The following NECTIN3 variants were observed in gnomAD, a reference collection of about 807,000 sequenced individuals.
NECTIN3 encodes the protein nectin-3.
In NECTIN3, 8 loss-of-function variants were observed where a neutral mutation model predicts 49.4. The ratio of observed to expected loss-of-function variants is 0.16; its 90% CI spans 0.10 to 0.29. The LOEUF (loss-of-function observed/expected upper bound fraction) is 0.29, where lower values mean the gene tolerates loss of function less well. Ranked by LOEUF, NECTIN3 falls within the 10% of genes least tolerant of loss-of-function variation. The pLI is 1.00. For synonymous variants in NECTIN3, 277 were observed against 241.1 expected, an observed-to-expected ratio of 1.15 and a Z score of -1.38; for missense variants, 581 against 654.6, an observed-to-expected ratio of 0.89 and a Z score of 1.23.
chr3:111,126,646 C>A (rs2034173370), intron 5 of NECTIN3, among the ~76,000 whole-genome samples: 1 of 152,038 alleles, frequency 6.6e-6, no homozygotes, highest in Non-Finnish European at 1.5e-5. Context: ...TTTCTAGATT[C>A]TTTTATCTTT....
chr3:111,117,842 T>C (rs1205109013), intron 2 of NECTIN3, among the ~76,000 whole-genome samples: 1 of 152,022 alleles, frequency 6.6e-6, no homozygotes, highest in Non-Finnish European at 1.5e-5. Context: ...CTAAGAGATA[T>C]TGGGGGCAGA....
At chr3:111,192,855 T>G (rs1381261294) in intron 1 of NECTIN3, among the ~76,000 whole-genome samples, 1 of 152,216 alleles carries the variant, frequency 6.6e-6, no homozygotes, top group East Asian at 1.9e-4. Flanking sequence ...TATGTTCATT[T>G]CAAGCTTGAG....
intron 1 of NECTIN3, among the ~76,000 whole-genome samples, chr3:111,085,691 T>C (rs2031882481): frequency 6.6e-6 from 1 of 151,968 alleles, no homozygotes; most frequent in South Asian, 2.1e-4. Flanking sequence ...TGTTGTTGCA[T>C]GTAGCAGTAT....
chr3:111,178,818 T>C (rs1021246846), intron 7 of NECTIN3, among the ~76,000 whole-genome samples: 11 of 152,202 alleles, frequency 7.2e-5, no homozygotes, highest in East Asian at 3.8e-4. Context: ...GCACAGACTT[T>C]GGAGTTACAT....
At chr3:111,150,006 T>G (rs7623880) in intron 7 of NECTIN3, among the ~76,000 whole-genome samples, 1 of 151,864 alleles carries the variant, frequency 6.6e-6, no homozygotes, top group Non-Finnish European at 1.5e-5. Flanking sequence ...TCTAGGGAAC[T>G]TTTTTAGGAA....
chr3:111,072,189 T>A lies in NECTIN3; in HGVS notation c.160+12T>A, dbSNP rs2107339735. ...CTCCAGGCTCTGTGGTAGGTGAACC[T>A]CGGCGGCCGGCGTGGGCTGAGGGAG... On this transcript the variant is annotated intron_variant, in intron 1 of 5. Coordinates refer to ENST00000485303, the MANE Select transcript of NECTIN3 (RefSeq NM_015480.3). 1 of 1,545,134 alleles carries A rather than the reference T, an allele frequency of 6.5e-7. No homozygotes were observed. The highest frequency in any genetic ancestry group is 8.7e-7 in the Non-Finnish European group (1 of 1,148,016).
intron 1 of NECTIN3, among the ~76,000 whole-genome samples, chr3:111,093,638 G>GT (rs1441331186): frequency 6.6e-6 from 1 of 152,038 alleles, no homozygotes; most frequent in Non-Finnish European, 1.5e-5. Flanking sequence ...GTTTTACCAT[G>GT]TTAGCCAGGC....
intron 7 of NECTIN3, among the ~76,000 whole-genome samples, chr3:111,171,449 G>A (rs2035431057): frequency 6.6e-6 from 1 of 152,122 alleles, no homozygotes; most frequent in African/African-American, 2.4e-5. Flanking sequence ...CAATGAAAGG[G>A]GCTGAGCAAG....
At chr3:111,186,498 G>C (rs138840088) in intron 7 of NECTIN3, among the ~76,000 whole-genome samples, 1 of 152,070 alleles carries the variant, frequency 6.6e-6, no homozygotes, top group Admixed American at 6.5e-5. Flanking sequence ...AGGGTAAATG[G>C]CTAGCCATAT....
downstream of NECTIN3, among the ~76,000 whole-genome samples, chr3:111,138,331 TA>T (rs1019909481): frequency 6.6e-6 from 1 of 151,434 alleles, no homozygotes; most frequent in Non-Finnish European, 1.5e-5. Flanking sequence ...GGTATCCCAA[TA>T]AAAAAAATTC....
chr3:111,132,593 A>G (rs1346232761), intron 5 of NECTIN3, among the ~76,000 whole-genome samples: 1 of 151,954 alleles, frequency 6.6e-6, no homozygotes, highest in Non-Finnish European at 1.5e-5. Flanking sequence ...TATAAATACT[A>G]CTTAATTGAT....
downstream of NECTIN3, among the ~76,000 whole-genome samples, chr3:111,140,364 T>TTA (rs1180548226): frequency 6.6e-6 from 1 of 151,788 alleles, no homozygotes; most frequent in Non-Finnish European, 1.5e-5. Flanking sequence ...GATCTTTTTT[T>TTA]TTTTGGTTGA....
In NECTIN3 at chr3:111,193,319, ACAT is replaced by A. The variant is rs1469035780; in HGVS notation, c.63+912_63+914del. On this transcript the variant is annotated intron_variant, in intron 1 of 1. Transcript: ENST00000485506. ...GCTACCAAGACCGGAGCCCTGGCAA[ACAT>A]CATCAAAATAACGACCCTAAGAGAG... 18 of 1,535,794 alleles carry A rather than the reference ACAT, an allele frequency of 1.2e-5. No homozygotes were observed. The East Asian group carries it at 3.9e-4, about 33-fold the overall frequency.
At chr3:111,072,458 T>A in intron 1 of NECTIN3, 1 of 1,535,310 alleles carries the variant, frequency 6.5e-7, no homozygotes, top group Non-Finnish European at 8.7e-7. Flanking sequence ...TGCGCCGAAC[T>A]CCGGGTTTGC....
At chr3:111,148,973 CT>C (rs1024883419) in intron 7 of NECTIN3, among the ~76,000 whole-genome samples, 7 of 151,966 alleles carry the variant, frequency 4.6e-5, no homozygotes, top group African/African-American at 1.7e-4. Context: ...AGAAAAAAGT[CT>C]TAGAAAACTA....
intron 7 of NECTIN3, among the ~76,000 whole-genome samples, chr3:111,166,032 T>C (rs1214095584): frequency 6.6e-6 from 1 of 152,132 alleles, no homozygotes; most frequent in Non-Finnish European, 1.5e-5. Flanking sequence ...TCCTCAAATT[T>C]CAGGGATTTA....
At chr3:111,193,436 G>A (rs1054509807) in intron 1 of NECTIN3, 3 of 1,473,354 alleles carry the variant, frequency 2.0e-6, no homozygotes, top group African/African-American at 2.8e-5. Flanking sequence ...ATTGGGGAGA[G>A]AAGCTAAGGC....
intron 7 of NECTIN3, among the ~76,000 whole-genome samples, chr3:111,186,319 G>T (rs1437198878): frequency 6.6e-6 from 1 of 152,058 alleles, no homozygotes; most frequent in Non-Finnish European, 1.5e-5. Flanking sequence ...TTATTACAAG[G>T]CTACAGTAAC....
chr3:111,078,743 T>A (rs1576066171), intron 1 of NECTIN3, among the ~76,000 whole-genome samples: 2 of 152,270 alleles, frequency 1.3e-5, no homozygotes, highest in Admixed American at 6.5e-5. Flanking sequence ...TTTTAAAAAA[T>A]TATTTTTCCT....
Sources: gnomAD v4.1 joint callset for allele counts (sites outside exome capture counted in the v4.1 genomes callset) on GRCh38, gnomAD v4.1.1 for gene constraint, MANE v1.5 for transcripts, NCBI Gene and HGNC (gene_info 2026-07-23, HGNC 2026-07-21) for gene names.